Variants in GRID1 observed in about 807,000 individuals in gnomAD.
GRID1 encodes the protein glutamate ionotropic receptor delta type subunit 1, also known as glutamate receptor ionotropic, delta-1.
Under a neutral mutation model 98.0 loss-of-function variants are expected in GRID1, and 28 were observed. That is an observed-to-expected ratio of 0.29 (90% CI 0.21 to 0.39). GRID1 has a LOEUF of 0.39. Among genes scored for constraint, GRID1 ranks in the 10% least tolerant of loss-of-function variants. The probability of loss-of-function intolerance (pLI) is 1.00; values close to 1 mark genes in which losing one functional copy is unlikely to be tolerated. For synonymous variants in GRID1, 553 were observed against 538.5 expected, an observed-to-expected ratio of 1.03 and a Z score of -0.37; for missense variants, 1,111 against 1,340.5, an observed-to-expected ratio of 0.83 and a Z score of 2.67.
rs116367806 is a variant in GRID1, at chr10:85,939,649, G to A, written c.727-23410C>T. Among the ~76,000 whole-genome samples, 449 of 151,994 alleles carry A rather than the reference G, an allele frequency of 3.0e-3. 3 individuals are homozygous for A. The highest frequency in any genetic ancestry group is 0.01 in the African/African-American group (428 of 41,434). On this transcript the variant is annotated intron_variant, in intron 4 of 15. Transcript: ENST00000327946. Reference sequence around the variant, plus strand: ...TCACAGTCACTTGTGATTCCATTGCGCCCACCTGGATAACCCAAATAAGTT... The same window carrying A: ...TCACAGTCACTTGTGATTCCATTGCACCCACCTGGATAACCCAAATAAGTT...
At chr10:85,794,134 G>A (rs918475070) in intron 8 of GRID1, among the ~76,000 whole-genome samples, 2 of 152,130 alleles carry the variant, frequency 1.3e-5, no homozygotes, top group African/African-American at 4.8e-5. Context: ...CAGAACAGGT[G>A]TTTCAATGGA....
chr10:85,606,441 G>A (rs891555552), intron 15 of GRID1: 2 of 152,194 alleles, frequency 1.3e-5, no homozygotes, highest in Non-Finnish European at 2.9e-5. Context: ...GGAGATGAGG[G>A]TGCCATCTCA....
intron 4 of GRID1, among the ~76,000 whole-genome samples, chr10:86,082,934 C>T (rs1003718536): frequency 1.3e-5 from 2 of 152,198 alleles, no homozygotes; most frequent in African/African-American, 4.8e-5. Context: ...GATCTCAGCT[C>T]TGGGTTTCTG....
At chr10:86,053,617 G>T (rs1843533877) in intron 4 of GRID1, among the ~76,000 whole-genome samples, 1 of 151,996 alleles carries the variant, frequency 6.6e-6, no homozygotes, top group Admixed American at 6.6e-5. Flanking sequence ...GCCTCCCAAA[G>T]TGCTGGGATT....
intron 8 of GRID1, among the ~76,000 whole-genome samples, chr10:85,832,051 AC>A (rs200176200): frequency 0.13 from 20,209 of 152,068 alleles, 1,395 homozygotes; most frequent in African/African-American, 0.18. Flanking sequence ...GGGTAAGAAA[AC>A]AATTTTTTTT....
At chr10:86,109,591 G>A (rs1413854050) in intron 4 of GRID1, among the ~76,000 whole-genome samples, 1 of 152,224 alleles carries the variant, frequency 6.6e-6, no homozygotes, top group African/African-American at 2.4e-5. Context: ...TATAAGCCAG[G>A]CCTGCCATTG....
At chr10:86,221,909 T>A (rs1382220971) in intron 2 of GRID1, among the ~76,000 whole-genome samples, 1 of 150,470 alleles carries the variant, frequency 6.6e-6, no homozygotes, top group Non-Finnish European at 1.5e-5. Context: ...CTCCTCCTCC[T>A]CCTCCTCCTC....
At chr10:86,338,227 T>A (rs1848255161) in intron 2 of GRID1, among the ~76,000 whole-genome samples, 1 of 151,760 alleles carries the variant, frequency 6.6e-6, no homozygotes, top group African/African-American at 2.4e-5. Context: ...CATTCCCTTG[T>A]TGCACTGATT....
chr10:86,328,605 T>G (rs1320425591), intron 2 of GRID1, among the ~76,000 whole-genome samples: 2 of 152,230 alleles, frequency 1.3e-5, no homozygotes, highest in Non-Finnish European at 2.9e-5. Flanking sequence ...GCATATTGCT[T>G]TTACAATCAG....
intron 8 of GRID1, among the ~76,000 whole-genome samples, chr10:85,840,632 A>G (rs576188099): frequency 6.6e-6 from 1 of 152,224 alleles, no homozygotes; most frequent in Non-Finnish European, 1.5e-5. Context: ...AAAGAACTTC[A>G]GCAAAGTCTT....
intron 5 of GRID1, among the ~76,000 whole-genome samples, chr10:85,887,121 C>T (rs1481888073): frequency 6.6e-6 from 1 of 152,168 alleles, no homozygotes; most frequent in Non-Finnish European, 1.5e-5. Flanking sequence ...TCAATAAAGA[C>T]GTGATGACAG....
intron 13 of GRID1, among the ~76,000 whole-genome samples, chr10:85,623,036 G>C (rs759150330): frequency 6.6e-5 from 10 of 152,152 alleles, no homozygotes; most frequent in Non-Finnish European, 1.3e-4. Context: ...ATAGTGGCAG[G>C]ACAGGCCAGA....
At chr10:85,843,213 G>A (rs1243133643) in intron 8 of GRID1, among the ~76,000 whole-genome samples, 1 of 151,740 alleles carries the variant, frequency 6.6e-6, no homozygotes. Flanking sequence ...TAAACAAATG[G>A]TGATGAGGCA....
chr10:85,692,444 G>A (rs374465762), intron 12 of GRID1, among the ~76,000 whole-genome samples: 1 of 151,838 alleles, frequency 6.6e-6, no homozygotes, highest in South Asian at 2.1e-4. Flanking sequence ...GGTGGATTGC[G>A]TGACCCCAGG....
intron 3 of GRID1, among the ~76,000 whole-genome samples, chr10:86,201,467 G>T (rs1837680696): frequency 6.6e-6 from 1 of 152,224 alleles, no homozygotes; most frequent in African/African-American, 2.4e-5. Flanking sequence ...TTATAAGTGG[G>T]AACTAAATGA....
At chr10:86,078,742 G>C (rs1043344743) in intron 4 of GRID1, among the ~76,000 whole-genome samples, 1 of 152,224 alleles carries the variant, frequency 6.6e-6, no homozygotes, top group Non-Finnish European at 1.5e-5. Context: ...GGAGAGGCAG[G>C]AAGGTGTCTG....
intron 8 of GRID1, among the ~76,000 whole-genome samples, chr10:85,836,564 A>G (rs1208652985): frequency 6.6e-6 from 1 of 152,158 alleles, no homozygotes; most frequent in Admixed American, 6.5e-5. Context: ...CGGACACTTG[A>G]GATAGCAGGG....
chr10:86,348,678 C>T (rs1848422719), intron 2 of GRID1, among the ~76,000 whole-genome samples: 1 of 152,240 alleles, frequency 6.6e-6, no homozygotes, highest in Non-Finnish European at 1.5e-5. Flanking sequence ...AGCACGTCCA[C>T]GTGACAGCGT....
At chr10:86,316,572 G>C (rs1389585612) in intron 2 of GRID1, among the ~76,000 whole-genome samples, 1 of 152,264 alleles carries the variant, frequency 6.6e-6, no homozygotes, top group Non-Finnish European at 1.5e-5. Flanking sequence ...AAGCCTCCAG[G>C]CTCGGGAGGG....
Sources: allele counts gnomAD v4.1 joint callset (sites outside exome capture counted in the v4.1 genomes callset), GRCh38; gene constraint gnomAD v4.1.1; transcripts MANE v1.5; gene names NCBI Gene and HGNC (gene_info 2026-07-23, HGNC 2026-07-21).